FGF14: variants seen among roughly 807,000 people sequenced by gnomAD.
The protein encoded by FGF14 is fibroblast growth factor homologous factor 4.
In FGF14, 5 loss-of-function variants were observed where a neutral mutation model predicts 25.5. The observed-to-expected ratio is 0.20, with a 90% CI of 0.10 to 0.41. The LOEUF (loss-of-function observed/expected upper bound fraction) is 0.41, where lower values mean the gene tolerates loss of function less well. Ranked by LOEUF, FGF14 falls within the 10% of genes least tolerant of loss-of-function variation. The probability of loss-of-function intolerance (pLI) is 1.00; values close to 1 mark genes in which losing one functional copy is unlikely to be tolerated. For synonymous variants in FGF14, 138 were observed against 118.3 expected, an observed-to-expected ratio of 1.17 and a Z score of -1.08; for missense variants, 222 against 320.1, an observed-to-expected ratio of 0.69 and a Z score of 2.34.
chr13:102,060,210 T>A (rs1284599838), intron 1 of FGF14, among the ~76,000 whole-genome samples: 2 of 151,126 alleles, frequency 1.3e-5, no homozygotes, highest in African/African-American at 4.9e-5. Context: ...GCATTTCTGA[T>A]AAGGGACACT....
chr13:102,188,395 G>A (rs1252426939), intron 1 of FGF14, among the ~76,000 whole-genome samples: 1 of 152,174 alleles, frequency 6.6e-6, no homozygotes, highest in East Asian at 1.9e-4. Flanking sequence ...AAAGATCTGA[G>A]TTTGAGTTTC....
intron 1 of FGF14, among the ~76,000 whole-genome samples, chr13:102,322,531 C>T (rs537561055): frequency 2.2e-4 from 34 of 152,204 alleles, no homozygotes; most frequent in African/African-American, 7.9e-4. Flanking sequence ...CTAAGATGCA[C>T]ATAATCCTTA....
chr13:102,243,444 T>C (rs1286169081), intron 1 of FGF14, among the ~76,000 whole-genome samples: 4 of 152,070 alleles, frequency 2.6e-5, no homozygotes. Context: ...TCACTGGTGA[T>C]AAATATCTAA....
intron 3 of FGF14, among the ~76,000 whole-genome samples, chr13:101,837,951 C>T (rs745692099): frequency 3.0e-4 from 46 of 151,862 alleles, no homozygotes; most frequent in Admixed American, 5.9e-4. Flanking sequence ...GGCAGAAGAA[C>T]GTGGAGAGAC....
rs1208730030 is a variant in FGF14, at chr13:102,401,434, A to T, written c.208+37T>A. 5 of 1,590,250 alleles carry T rather than the reference A, an allele frequency of 3.1e-6. No homozygotes were observed. In the East Asian group the frequency reaches 1.1e-4, roughly 36 times the overall value. On this transcript the variant is annotated intron_variant, in intron 1 of 4. Transcript: ENST00000376131. ...CTCGATGAGCAACAGACAGGTTATT[A>T]TGAGGAAAAACATAACATGATGCAT...
intron 1 of FGF14, among the ~76,000 whole-genome samples, chr13:101,904,207 G>T (rs1018616621): frequency 9.9e-5 from 15 of 152,196 alleles, no homozygotes; most frequent in Admixed American, 1.3e-4. Context: ...GGCCCAGTGT[G>T]TCTACCTCCA....
chr13:101,723,035 A>T, intron 4 of FGF14, 68 bp from the exon 5 acceptor site: 3 of 1,584,532 alleles, frequency 1.9e-6, no homozygotes, highest in Non-Finnish European at 2.6e-6. Flanking sequence ...TGGTCCATCC[A>T]TACCTGCATA....
At chr13:101,751,315 T>C (rs1398492812) in intron 3 of FGF14, among the ~76,000 whole-genome samples, 1 of 152,114 alleles carries the variant, frequency 6.6e-6, no homozygotes. Flanking sequence ...AAGGGGTTTA[T>C]GGGAACGCTC....
At chr13:101,839,373 C>T (rs1254610418) in intron 3 of FGF14, among the ~76,000 whole-genome samples, 1 of 151,914 alleles carries the variant, frequency 6.6e-6, no homozygotes, top group Non-Finnish European at 1.5e-5. Context: ...GAATTTAGTA[C>T]TTGAAGGCGA....
intron 1 of FGF14, among the ~76,000 whole-genome samples, chr13:101,926,301 T>C (rs1391223585): frequency 2.6e-5 from 4 of 152,206 alleles, no homozygotes; most frequent in South Asian, 2.1e-4. Flanking sequence ...AGTTTTTAAA[T>C]GAGAGTCCGG....
intron 1 of FGF14, among the ~76,000 whole-genome samples, chr13:102,354,620 T>G (rs1281715561): frequency 6.6e-6 from 1 of 152,198 alleles, no homozygotes; most frequent in East Asian, 1.9e-4. Flanking sequence ...CACAAAGAAT[T>G]TCCTTGTAGG....
At chr13:101,911,677 T>C (rs2032949296) in intron 1 of FGF14, among the ~76,000 whole-genome samples, 1 of 152,130 alleles carries the variant, frequency 6.6e-6, no homozygotes, top group Non-Finnish European at 1.5e-5. Flanking sequence ...GCATTTATAG[T>C]ATGTCCCTTG....
intron 1 of FGF14, among the ~76,000 whole-genome samples, chr13:101,914,006 G>C (rs2033217489): frequency 6.6e-6 from 1 of 152,008 alleles, no homozygotes; most frequent in Non-Finnish European, 1.5e-5. Flanking sequence ...GAGCCTAACA[G>C]ATTGTAAAGA....
In FGF14 at chr13:102,365,497, TTATG is replaced by T. The variant is rs542185982; in HGVS notation, c.208+35970_208+35973del. Among the ~76,000 whole-genome samples the T allele has an allele frequency of 1.3e-4, 20 of 152,340 alleles. 1 individual carries two copies. In the South Asian group the frequency reaches 3.9e-3, roughly 30 times the overall value. ...CTCTGGATTCTACTCATAAAAATTA[TTATG>T]TATATCAAAATTTTGTAATTATATT... On this transcript the variant is annotated intron_variant, in intron 1 of 4. Coordinates refer to the FGF14 transcript ENST00000376131.
chr13:102,388,440 A>G (rs2058356587), intron 1 of FGF14, among the ~76,000 whole-genome samples: 1 of 152,178 alleles, frequency 6.6e-6, no homozygotes, highest in Non-Finnish European at 1.5e-5. Flanking sequence ...CAAACCATCT[A>G]TGACTTCCAA....
chr13:102,158,534 C>T (rs1217673683), intron 1 of FGF14, among the ~76,000 whole-genome samples: 2 of 57,652 alleles, frequency 3.5e-5, no homozygotes, highest in African/African-American at 1.4e-4. Flanking sequence ...GTGGGGGTAG[C>T]GGGGGGGGGA....
At chr13:102,283,298 G>A (rs1216558136) in intron 1 of FGF14, among the ~76,000 whole-genome samples, 2 of 152,164 alleles carry the variant, frequency 1.3e-5, no homozygotes, top group Non-Finnish European at 1.5e-5. Context: ...AGCCTTTAGC[G>A]ACATGATCTT....
intron 3 of FGF14, among the ~76,000 whole-genome samples, chr13:101,834,945 A>G (rs947601176): frequency 2.0e-5 from 3 of 152,072 alleles, no homozygotes; most frequent in Non-Finnish European, 2.9e-5. Flanking sequence ...CAGGCCACAC[A>G]TGGACTAGAC....
intron 1 of FGF14, among the ~76,000 whole-genome samples, chr13:102,122,088 T>C (rs895426395): frequency 6.6e-6 from 1 of 152,240 alleles, no homozygotes; most frequent in Non-Finnish European, 1.5e-5. Context: ...AGTTTTGTTC[T>C]CCTGGGATGT....
Sources: gnomAD v4.1 joint callset for allele counts (sites outside exome capture counted in the v4.1 genomes callset) on GRCh38, gnomAD v4.1.1 for gene constraint, MANE v1.5 for transcripts, NCBI Gene and HGNC (gene_info 2026-07-23, HGNC 2026-07-21) for gene names.